BLM: variants seen among roughly 807,000 people sequenced by gnomAD.
BLM encodes the protein recQ-like DNA helicase BLM.
In BLM, 95 loss-of-function variants were observed where a neutral mutation model predicts 135.3. The observed-to-expected ratio is 0.70, with a 90% CI of 0.59 to 0.83. The LOEUF is 0.83. Among genes scored for constraint, BLM ranks in the 40% least tolerant of loss-of-function variants. The pLI, the probability that BLM is intolerant of heterozygous loss-of-function variation, is 0.00. For synonymous variants in BLM, 520 were observed against 589.2 expected (o/e 0.88, Z 1.70); for missense variants, 1,518 against 1,663.9 (o/e 0.91, Z 1.53).
In BLM at chr15:90,735,204, C is replaced by T. The variant is rs1415138243; in HGVS notation, c.-4-12185C>T. Among the ~76,000 whole-genome samples, 7 of 140,020 alleles carry T rather than the reference C, an allele frequency of 5.0e-5. No homozygotes were observed. The Admixed American group carries it at 5.1e-4, about 10-fold the overall frequency. The allele number at this position is 140,020 out of a possible 152,430, so 91.9% of individuals were successfully genotyped here. ...ACAAATGAAATCTTTTGTTCTAGGA[C>T]AGGACAACAACATCATAAAAGTGCC... is the stretch of plus-strand genomic sequence containing the variant. On this transcript the variant is annotated intron_variant, in intron 1 of 21. Coordinates refer to ENST00000355112, the MANE Select transcript of BLM (RefSeq NM_000057.4).
At chr15:90,719,335 C>G (rs1353616907) in intron 1 of BLM, among the ~76,000 whole-genome samples, 2 of 152,142 alleles carry the variant, frequency 1.3e-5, no homozygotes, top group African/African-American at 4.8e-5. Context: ...GGCACAGTGG[C>G]TCACACCCAT....
rs148251893 is a variant in BLM, at chr15:90,772,164, G to T, written c.2555+2578G>T. On this transcript the variant is annotated intron_variant, in intron 12 of 21. Coordinates refer to ENST00000355112, the MANE Select transcript of BLM (RefSeq NM_000057.4). ...TGTTTCCTGATCTTTTCTGCCAGTA[G>T]GCCCTGGTTTGGATTAAATTTGCTC... Among the ~76,000 whole-genome samples the T allele has an allele frequency of 1.4e-4, 21 of 152,290 alleles. No homozygotes were observed. The East Asian group carries it at 3.5e-3, about 25-fold the overall frequency.
chr15:90,763,966 G>A lies in BLM; in HGVS notation c.2074+809G>A, dbSNP rs371679582. Among the ~76,000 whole-genome samples, 7 of 152,232 alleles carry A rather than the reference G, an allele frequency of 4.6e-5. No homozygotes were observed. In the East Asian group the frequency reaches 1.2e-3, roughly 25 times the overall value. On this transcript the variant is annotated intron_variant, in intron 8 of 21. Transcript: ENST00000355112. ...GTCATTATTGTATAATGTTGACTGG[G>A]CATCTGAACTTTTTCATCCTGGTTT...
chr15:90,800,406 G>T (rs112344256), intron 17 of BLM, among the ~76,000 whole-genome samples: 23,348 of 152,190 alleles, frequency 0.15, 1,905 homozygotes, highest in Non-Finnish European at 0.19. Flanking sequence ...GAGGAGGCTG[G>T]GCACGGTGGC....
At chr15:90,743,864 C>CTGGA (rs1186558837) in intron 1 of BLM, among the ~76,000 whole-genome samples, 7 of 152,122 alleles carry the variant, frequency 4.6e-5, no homozygotes, top group African/African-American at 1.7e-4. Flanking sequence ...ATGATTCTGG[C>CTGGA]TGGAGGGTGC....
At chr15:90,737,873 CAG>C (rs1355729777) in intron 1 of BLM, among the ~76,000 whole-genome samples, 1 of 151,848 alleles carries the variant, frequency 6.6e-6, no homozygotes, top group Non-Finnish European at 1.5e-5. Flanking sequence ...ATTGACAAAA[CAG>C]AATTGATTCT....
At chr15:90,749,168 A>G (rs1895592880) in intron 2 of BLM, among the ~76,000 whole-genome samples, 199 bp from the exon 3 acceptor site, 1 of 152,242 alleles carries the variant, frequency 6.6e-6, no homozygotes, top group East Asian at 1.9e-4. Flanking sequence ...CCAAATAATT[A>G]GCCTCTGAAT....
intron 1 of BLM, among the ~76,000 whole-genome samples, chr15:90,725,623 C>G (rs1400627307): frequency 6.6e-6 from 1 of 151,574 alleles, no homozygotes; most frequent in East Asian, 1.9e-4. Flanking sequence ...CCTCCCAAGT[C>G]CCAAGTAGCT....
At chr15:90,758,267 C>T (rs1220033713) in intron 5 of BLM, among the ~76,000 whole-genome samples, 2 of 152,046 alleles carry the variant, frequency 1.3e-5, no homozygotes, top group African/African-American at 4.8e-5. Context: ...GTGAGTGGAT[C>T]ATTTGAGGTT....
intron 4 of BLM, among the ~76,000 whole-genome samples, chr15:90,753,432 T>C (rs1174331623): frequency 6.6e-6 from 1 of 152,238 alleles, no homozygotes; most frequent in Non-Finnish European, 1.5e-5. Context: ...TTCCAATTGC[T>C]ACATATTTAA....
intron 14 of BLM, among the ~76,000 whole-genome samples, chr15:90,787,873 C>G (rs1314130180): frequency 6.6e-6 from 1 of 151,962 alleles, no homozygotes; most frequent in African/African-American, 2.4e-5. Context: ...TCACTTGAAC[C>G]TGGGAGCCGA....
chr15:90,799,030 T>C (rs1309301233), intron 17 of BLM, among the ~76,000 whole-genome samples: 1 of 151,090 alleles, frequency 6.6e-6, no homozygotes, highest in Non-Finnish European at 1.5e-5. Flanking sequence ...CCAGGTGTGG[T>C]GGTGGGCACC....
intron 12 of BLM, among the ~76,000 whole-genome samples, chr15:90,775,256 G>A (rs76037567): frequency 1.9e-4 from 29 of 152,106 alleles, no homozygotes; most frequent in African/African-American, 7.0e-4. Flanking sequence ...CAGGTGCCTA[G>A]AACCATTGAC....
chr15:90,754,234 T>C (rs1397508351), intron 4 of BLM, among the ~76,000 whole-genome samples: 1 of 152,252 alleles, frequency 6.6e-6, no homozygotes, highest in Non-Finnish European at 1.5e-5. Context: ...ATTTGTAAAG[T>C]ATTTTTTCTA....
Position 90,746,248 on chromosome 15 carries a change from G to A in BLM, c.-4-1141G>A, listed in dbSNP as rs139806951. 4.6e-4 allele frequency among the ~76,000 whole-genome samples: 70 copies of A among 152,314 alleles called. 1 individual carries two copies. The East Asian group carries it at 0.013, about 27-fold the overall frequency. On this transcript the variant is annotated intron_variant, in intron 1 of 21. Coordinates refer to ENST00000355112, the MANE Select transcript of BLM (RefSeq NM_000057.4). Reference sequence around the variant, plus strand: ...ATGAGTTGATAATTGTTGAATCTGGGTGATAGGTATGTAGGGATTCATTCC... The same window carrying A: ...ATGAGTTGATAATTGTTGAATCTGGATGATAGGTATGTAGGGATTCATTCC...
chr15:90,803,186 A>G (rs1387759742), intron 17 of BLM, among the ~76,000 whole-genome samples: 2 of 151,614 alleles, frequency 1.3e-5, no homozygotes, highest in South Asian at 2.1e-4. Context: ...AAAAATGTAG[A>G]TAAGTAATGC....
chr15:90,728,607 T>C (rs775744865), intron 1 of BLM, among the ~76,000 whole-genome samples: 1 of 151,354 alleles, frequency 6.6e-6, no homozygotes, highest in Admixed American at 6.6e-5. Flanking sequence ...GGTTTCACCA[T>C]GTTGGCCAGG....
In BLM at chr15:90,765,475, G is replaced by C. The variant is rs28385029; in HGVS notation, c.2193+61G>C. ...GAAACAATTAAATTTCAGTCCTCTG[G>C]ATAACCTTTTTATTAAATAGTTCGT... is the stretch of plus-strand genomic sequence containing the variant. On this transcript the variant is annotated intron_variant, in intron 9 of 21. Transcript: ENST00000355112. 0.069 allele frequency: 88,920 copies of C among 1,292,324 alleles called. 3,459 individuals are homozygous for C. Among genetic ancestry groups the C allele is most frequent in the Non-Finnish European group, 0.075 (67,304 of 895,852 alleles). 80.1% of individuals were successfully genotyped at this position (1,292,324 alleles called of 1,614,324 possible).
At chr15:90,744,410 G>A (rs746608371) in intron 1 of BLM, among the ~76,000 whole-genome samples, 2 of 152,024 alleles carry the variant, frequency 1.3e-5, no homozygotes, top group African/African-American at 4.8e-5. Context: ...GTCTAGCTCT[G>A]TCACCAGGCT....
Sources: gnomAD v4.1 joint callset for allele counts (sites outside exome capture counted in the v4.1 genomes callset) on GRCh38, gnomAD v4.1.1 for gene constraint, MANE v1.5 for transcripts, NCBI Gene and HGNC (gene_info 2026-07-23, HGNC 2026-07-21) for gene names.